The following ARMC2 variants were observed in gnomAD, a reference collection of about 807,000 sequenced individuals.
ARMC2 encodes the protein armadillo repeat-containing protein 2.
Under a neutral mutation model 90.3 loss-of-function variants are expected in ARMC2, and 67 were observed. The ratio of observed to expected loss-of-function variants is 0.74; its 90% CI spans 0.61 to 0.91. The LOEUF is 0.91. Among genes scored for constraint, ARMC2 ranks in the 40% least tolerant of loss-of-function variants. ARMC2 has a pLI of 0.00. For missense variants in ARMC2, 920 were observed against 1,030.9 expected, an observed-to-expected ratio of 0.89 and a Z score of 1.47; for synonymous variants, 393 against 393.0, an observed-to-expected ratio of 1.00 and a Z score of 0.00.
intron 11 of ARMC2, among the ~76,000 whole-genome samples, chr6:108,934,338 T>C (rs1324109637): frequency 6.6e-6 from 1 of 152,268 alleles, no homozygotes; most frequent in Non-Finnish European, 1.5e-5. Flanking sequence ...TCTGTTAATA[T>C]AGTAAATTAC....
intron 11 of ARMC2, among the ~76,000 whole-genome samples, 167 bp downstream of exon 11, chr6:108,928,400 A>G (rs1324976376): frequency 2.6e-5 from 4 of 152,234 alleles, no homozygotes; most frequent in African/African-American, 7.2e-5. Flanking sequence ...GAACAATTCA[A>G]ACAAATGAAC....
At chr6:109,026,119 A>G in the ARMC2 span, among the ~76,000 whole-genome samples, 998 of 152,334 alleles carry the variant, frequency 6.6e-3, 11 homozygotes, top group African/African-American at 0.022. Flanking sequence ...GCCTAATTTT[A>G]AAGAATGGAA....
At chr6:109,019,077 C>CTT in the ARMC2 span, among the ~76,000 whole-genome samples, 3 of 152,024 alleles carry the variant, frequency 2.0e-5, no homozygotes, top group Non-Finnish European at 4.4e-5. Context: ...CTTATTTGAA[C>CTT]TTAAATAATT....
intron 6 of ARMC2, among the ~76,000 whole-genome samples, chr6:108,894,914 C>T (rs938263825): frequency 5.3e-5 from 8 of 150,754 alleles, no homozygotes; most frequent in Non-Finnish European, 1.0e-4. Flanking sequence ...CTACAGGCGC[C>T]CGCCACCACG....
At position 108,876,240 on chromosome 6, in the gene ARMC2, C is replaced by G. The variant is rs1258132372; in HGVS notation, c.561C>G (p.His187Gln). 2 of 1,612,922 alleles carry G rather than the reference C, an allele frequency of 1.2e-6. No homozygotes were observed. The highest frequency in any genetic ancestry group is 1.7e-6 in the Non-Finnish European group (2 of 1,179,538). ...IYLTKSNAIC[H>Q]LKSHPLQLTD... Reference sequence around the variant, plus strand: ...TAACAAAATCAAATGCTATTTGCCACTTAAAGAGTCACCCACTTCAGCTAA... The same window carrying G: ...TAACAAAATCAAATGCTATTTGCCAGTTAAAGAGTCACCCACTTCAGCTAA... The change falls in exon 5 of 18, where the codon CAC (histidine) becomes CAG (glutamine). Residue 187 changes from histidine to glutamine, a missense_variant. Transcript: ENST00000392644.
chr6:108,899,953 C>A (rs1771960694), intron 7 of ARMC2, among the ~76,000 whole-genome samples, 161 bp downstream of exon 7: 1 of 151,796 alleles, frequency 6.6e-6, no homozygotes, highest in Non-Finnish European at 1.5e-5. Flanking sequence ...ATTTATTTAC[C>A]CTGTGTGTGT....
chr6:108,964,446 A>G, intron 16 of ARMC2, 134 bp downstream of exon 16: 1 of 1,077,614 alleles, frequency 9.3e-7, no homozygotes, highest in Non-Finnish European at 1.3e-6. Flanking sequence ...CTGAGGCTAA[A>G]GAGGGGGTTT....
chr6:108,967,728 G>T (rs1778476621), intron 17 of ARMC2, among the ~76,000 whole-genome samples: 2 of 151,930 alleles, frequency 1.3e-5, no homozygotes, highest in South Asian at 4.1e-4. Flanking sequence ...TATTGTTGTT[G>T]TTTCAAATAT....
chr6:108,993,822 C>T, the ARMC2 span, among the ~76,000 whole-genome samples: 1 of 151,960 alleles, frequency 6.6e-6, no homozygotes, highest in Non-Finnish European at 1.5e-5. Flanking sequence ...CAAGGTGATC[C>T]TTCCACCTCA....
chr6:108,860,301 A>G (rs1016740006), intron 3 of ARMC2, among the ~76,000 whole-genome samples: 18 of 151,662 alleles, frequency 1.2e-4, no homozygotes, highest in African/African-American at 4.4e-4. Context: ...TCTCTGTTGC[A>G]TTTTTGTCTC....
chr6:109,028,100 C>T, the ARMC2 span, among the ~76,000 whole-genome samples: 81 of 152,012 alleles, frequency 5.3e-4, no homozygotes, highest in African/African-American at 1.8e-3. Context: ...ATGTCTCATG[C>T]TTGTATTCTA....
chr6:108,948,718 G>A (rs564089305), intron 12 of ARMC2, among the ~76,000 whole-genome samples: 9 of 151,926 alleles, frequency 5.9e-5, no homozygotes, highest in South Asian at 4.2e-4. Flanking sequence ...TCTCGGCCAC[G>A]TTAGGACCTA....
At chr6:109,011,662 C>T in the ARMC2 span, among the ~76,000 whole-genome samples, 4 of 148,942 alleles carry the variant, frequency 2.7e-5, no homozygotes, top group African/African-American at 5.0e-5. Context: ...CAGAGTCTCG[C>T]TCTGTCAGCC....
the ARMC2 span, among the ~76,000 whole-genome samples, chr6:109,049,339 T>A: frequency 6.6e-6 from 1 of 150,890 alleles, no homozygotes; most frequent in Non-Finnish European, 1.5e-5. Context: ...GTTGATCTCA[T>A]GGAAGTAAAA....
intron 11 of ARMC2, among the ~76,000 whole-genome samples, chr6:108,934,395 G>C (rs1039772589): frequency 6.6e-6 from 1 of 152,084 alleles, no homozygotes; most frequent in East Asian, 1.9e-4. Context: ...GCTGGGTTTG[G>C]TTAACTAATA....
At chr6:108,870,169 G>A (rs1776241724) in intron 4 of ARMC2, among the ~76,000 whole-genome samples, 1 of 152,110 alleles carries the variant, frequency 6.6e-6, no homozygotes, top group African/African-American at 2.4e-5. Flanking sequence ...GGAGAGCCTG[G>A]AAGATACATA....
At chr6:108,907,829 A>G (rs1562376343) in intron 8 of ARMC2, 2 of 1,610,932 alleles carry the variant, frequency 1.2e-6, no homozygotes, top group African/African-American at 2.7e-5. Flanking sequence ...CCCCAGTTTG[A>G]CCTCCAGAAG....
chr6:109,020,406 T>A, the ARMC2 span, among the ~76,000 whole-genome samples: 87 of 152,288 alleles, frequency 5.7e-4, no homozygotes, highest in Middle Eastern at 3.4e-3. Flanking sequence ...TTAAAAAAAA[T>A]TTTGTGGGAA....
At chr6:108,879,888 A>G (rs1174122455) in intron 5 of ARMC2, 2 of 466,506 alleles carry the variant, frequency 4.3e-6, no homozygotes, top group South Asian at 1.6e-5. Context: ...AATGTATAAA[A>G]TGGAAATAAC....
Sources: gnomAD v4.1 joint callset for allele counts (sites outside exome capture counted in the v4.1 genomes callset) on GRCh38, gnomAD v4.1.1 for gene constraint, MANE v1.5 for transcripts, NCBI Gene and HGNC (gene_info 2026-07-23, HGNC 2026-07-21) for gene names.